The following PIK3AP1 variants were observed in gnomAD, a reference collection of about 807,000 sequenced individuals.
The protein encoded by PIK3AP1 is phosphoinositide-3-kinase adaptor protein 1.
A neutral mutation model predicts 88.1 loss-of-function variants in PIK3AP1; 21 were observed. The ratio of observed to expected loss-of-function variants is 0.24; its 90% CI spans 0.17 to 0.34. The LOEUF (loss-of-function observed/expected upper bound fraction) is 0.34, where lower values mean the gene tolerates loss of function less well. Among genes scored for constraint, PIK3AP1 ranks in the 10% least tolerant of loss-of-function variants. The pLI, the probability that PIK3AP1 is intolerant of heterozygous loss-of-function variation, is 1.00. For synonymous variants in PIK3AP1, 398 were observed against 400.0 expected (o/e 1.00, Z 0.06); for missense variants, 828 against 1,035.7 (o/e 0.80, Z 2.75).
At chr10:96,715,847 G>A (rs939362505) in intron 1 of PIK3AP1, among the ~76,000 whole-genome samples, 6 of 149,768 alleles carry the variant, frequency 4.0e-5, no homozygotes, top group Non-Finnish European at 8.9e-5. Context: ...CTGAGATCAT[G>A]CCACTGCACT....
intron 13 of PIK3AP1, among the ~76,000 whole-genome samples, chr10:96,615,293 A>G (rs960195710): frequency 2.0e-5 from 3 of 146,792 alleles, no homozygotes; most frequent in African/African-American, 7.4e-5. Context: ...CCTGAGTGGG[A>G]CAGGAGCCCC....
chr10:96,702,477 G>A (rs1341108345), intron 2 of PIK3AP1, among the ~76,000 whole-genome samples: 1 of 146,892 alleles, frequency 6.8e-6, no homozygotes, highest in Non-Finnish European at 1.5e-5. Context: ...CCAGCCTGAT[G>A]ACAGAGCAAG....
chr10:96,716,056 G>T (rs956364625), intron 1 of PIK3AP1, among the ~76,000 whole-genome samples: 1 of 152,004 alleles, frequency 6.6e-6, no homozygotes, highest in Non-Finnish European at 1.5e-5. Flanking sequence ...CAATGCAGGC[G>T]GATCACTTGA....
intron 2 of PIK3AP1, among the ~76,000 whole-genome samples, chr10:96,698,457 C>T (rs1844250051): frequency 6.6e-6 from 1 of 152,012 alleles, no homozygotes; most frequent in Non-Finnish European, 1.5e-5. Flanking sequence ...TTGAGACGAG[C>T]CTGGCTAACA....
At chr10:96,717,772 A>G (rs537084969) in intron 1 of PIK3AP1, among the ~76,000 whole-genome samples, 2 of 152,296 alleles carry the variant, frequency 1.3e-5, no homozygotes, top group South Asian at 4.1e-4. Flanking sequence ...CCTCTCTCTC[A>G]CGTGTAAATA....
intron 4 of PIK3AP1, among the ~76,000 whole-genome samples, chr10:96,652,265 T>C (rs1359013611): frequency 6.6e-6 from 1 of 152,038 alleles, no homozygotes; most frequent in Non-Finnish European, 1.5e-5. Flanking sequence ...ATGAAAACAA[T>C]GGACTACTCT....
chr10:96,697,376 C>T (rs1844235400), intron 2 of PIK3AP1, among the ~76,000 whole-genome samples: 1 of 152,170 alleles, frequency 6.6e-6, no homozygotes, highest in African/African-American at 2.4e-5. Context: ...TATCTGAGTG[C>T]AAGCCCAACA....
chr10:96,636,579 C>T (rs1207014965), intron 8 of PIK3AP1, among the ~76,000 whole-genome samples: 2 of 152,200 alleles, frequency 1.3e-5, no homozygotes, highest in African/African-American at 2.4e-5. Flanking sequence ...CCCTGCATTC[C>T]TGGATGCTCA....
At chr10:96,629,930 A>AAAGAAGAAGAAGAAGAAGAAGAAG (rs61662185) in intron 8 of PIK3AP1, among the ~76,000 whole-genome samples, 4 of 13,724 alleles carry the variant, frequency 2.9e-4, no homozygotes, top group African/African-American at 7.4e-4. Flanking sequence ...AAAAAAAAAA[A>AAAGAAGAAGAAGAAGAAGAAGAAG]AAGAAGAAGA....
At chr10:96,596,934 T>A (rs1241400273) in intron 16 of PIK3AP1, among the ~76,000 whole-genome samples, 1 of 152,222 alleles carries the variant, frequency 6.6e-6, no homozygotes, top group Non-Finnish European at 1.5e-5. Flanking sequence ...TAAATGTCTC[T>A]TGAATGCAAG....
intron 11 of PIK3AP1, among the ~76,000 whole-genome samples, chr10:96,622,834 T>TAGGAA (rs1213613072): frequency 3.2e-4 from 49 of 152,340 alleles, no homozygotes; most frequent in Middle Eastern, 6.8e-3. Context: ...CCTTTAAAAC[T>TAGGAA]GTTTAGAAAA....
At chr10:96,612,972 ATATATATATATTTTTTTTTTTTTTTTT>A (rs1849145544) in intron 13 of PIK3AP1, among the ~76,000 whole-genome samples, 38 of 103,184 alleles carry the variant, frequency 3.7e-4, no homozygotes, top group African/African-American at 1.4e-3. Context: ...ATATATATAT[ATATATATATATTTTTTTTTTTTTTTTT>A]TTTTTTTTTT....
At chr10:96,689,046 T>C (rs1844115228) in intron 2 of PIK3AP1, among the ~76,000 whole-genome samples, 2 of 152,140 alleles carry the variant, frequency 1.3e-5, no homozygotes, top group African/African-American at 4.8e-5. Flanking sequence ...GAAGGCCCTC[T>C]GAGATAAAAT....
At chr10:96,654,513 C>G (rs1476813878) in intron 3 of PIK3AP1, among the ~76,000 whole-genome samples, 1 of 152,052 alleles carries the variant, frequency 6.6e-6, no homozygotes, top group Non-Finnish European at 1.5e-5. Context: ...CTGTGGTGGT[C>G]GTCCCTCCTG....
chr10:96,641,832 G>A (rs1451596977), intron 8 of PIK3AP1, among the ~76,000 whole-genome samples: 1 of 152,194 alleles, frequency 6.6e-6, no homozygotes, highest in Non-Finnish European at 1.5e-5. Flanking sequence ...GGCAGTCCAT[G>A]GACTTTTAAA....
At chr10:96,633,248 T>A in intron 8 of PIK3AP1, 2 of 570,214 alleles carry the variant, frequency 3.5e-6, no homozygotes, top group Non-Finnish European at 5.5e-6. Context: ...ATTTTTATTG[T>A]AGGCAATGTT....
chr10:96,717,993 T>G (rs1262928866), intron 1 of PIK3AP1, among the ~76,000 whole-genome samples: 2 of 152,196 alleles, frequency 1.3e-5, no homozygotes, highest in African/African-American at 4.8e-5. Flanking sequence ...AACGAAGTAC[T>G]GATATAAGCT....
chr10:96,603,788 T>A lies in PIK3AP1; in HGVS notation c.2241+191A>T. The A allele has an allele frequency of 7.3e-6, 4 of 550,762 alleles. No homozygotes were observed. In the South Asian group the frequency reaches 8.5e-5, roughly 12 times the overall value. 34.1% of individuals were successfully genotyped at this position (550,762 alleles called of 1,614,324 possible). ...CCATTAAGCAGTTTCTTCCCATTCC[T>A]CCTCCCTCCAGCCGCTGGCAACCAC... On this transcript the variant is annotated intron_variant, in intron 15 of 16. Transcript: ENST00000339364.
At chr10:96,599,531 T>C (rs1848846778) in intron 16 of PIK3AP1, among the ~76,000 whole-genome samples, 1 of 152,034 alleles carries the variant, frequency 6.6e-6, no homozygotes, top group Non-Finnish European at 1.5e-5. Context: ...ACCAGTGCTG[T>C]TTGGTTTGGG....
Sources: gnomAD v4.1 joint callset for allele counts (sites outside exome capture counted in the v4.1 genomes callset) on GRCh38, gnomAD v4.1.1 for gene constraint, MANE v1.5 for transcripts, NCBI Gene and HGNC (gene_info 2026-07-23, HGNC 2026-07-21) for gene names.